PLEKHG4B: variants seen among roughly 807,000 people sequenced by gnomAD.
The protein encoded by PLEKHG4B is pleckstrin homology domain-containing family G member 4B.
In PLEKHG4B, 111 loss-of-function variants were observed where a neutral mutation model predicts 121.3. That is an observed-to-expected ratio of 0.92 (90% CI 0.78 to 1.07). The LOEUF (loss-of-function observed/expected upper bound fraction) is 1.07. Ranked by LOEUF, PLEKHG4B falls within the 50% of genes least tolerant of loss-of-function variation. PLEKHG4B has a pLI of 0.00. For synonymous variants in PLEKHG4B, 738 were observed against 725.0 expected (o/e 1.02, Z -0.29); for missense variants, 1,831 against 1,757.8 (o/e 1.04, Z -0.74).
At chr5:177,087 A>G (rs923102913) in intron 18 of PLEKHG4B, among the ~76,000 whole-genome samples, 1 of 152,012 alleles carries the variant, frequency 6.6e-6, no homozygotes, top group African/African-American at 2.4e-5. Flanking sequence ...GGTTTAATTG[A>G]TTATCTACAC....
chr5:153,179 A>G (rs1453902825), intron 7 of PLEKHG4B, among the ~76,000 whole-genome samples: 1 of 152,204 alleles, frequency 6.6e-6, no homozygotes, highest in Non-Finnish European at 1.5e-5. Context: ...CTCTCCTTTC[A>G]TAAATTGCAA....
chr5:117,499 T>G (rs62344112), intron 2 of PLEKHG4B, among the ~76,000 whole-genome samples: 19 of 152,300 alleles, frequency 1.2e-4, no homozygotes, highest in Non-Finnish European at 2.1e-4. Flanking sequence ...TCACTTTGTT[T>G]CATCACAATT....
rs1736009816 is a variant in PLEKHG4B at position 161,763 on chromosome 5, G to C, written c.2488-20G>C. 6.2e-7 allele frequency: 1 copy of C among 1,613,228 alleles called. No homozygotes were observed. Among genetic ancestry groups the C allele is most frequent in the African/African-American group, 1.3e-5 (1 of 74,922 alleles). On this transcript the variant is annotated intron_variant, in intron 11 of 19. Coordinates refer to ENST00000637938, the MANE Select transcript of PLEKHG4B (RefSeq NM_052909.5). Reference sequence around the variant, plus strand: ...GTGGAAGCACCGGGCTTGTACTGATGCTTTGTTCCTTGGGTACAGCAATCC... The same window carrying C: ...GTGGAAGCACCGGGCTTGTACTGATCCTTTGTTCCTTGGGTACAGCAATCC...
rs1159890048 is a variant in PLEKHG4B at position 163,002 on chromosome 5, A to T, written c.2930A>T (p.His977Leu). ...LPPLAQSPPKHERAQEAMRRH... is the reference protein window; with the variant it reads ...LPPLAQSPPKLERAQEAMRRH... ...CCCCTTGCCCAGAGCCCCCCAAAGC[A>T]TGAGCGTGCCCAGGAGGCCATGAGG... Residue 977 changes from histidine to leucine, a missense_variant, in exon 13 of 20, where the codon CAT becomes CTT. By Grantham distance (99) the His-to-Leu change is moderately conservative. Transcript: ENST00000637938. 1 of 1,566,242 alleles carries T rather than the reference A, an allele frequency of 6.4e-7. No homozygotes were observed. The highest frequency in any genetic ancestry group is 8.7e-7 in the Non-Finnish European group (1 of 1,155,530).
intron 3 of PLEKHG4B, among the ~76,000 whole-genome samples, chr5:141,711 A>AT (rs34273619): frequency 0.072 from 9,199 of 127,508 alleles, 376 homozygotes; most frequent in Non-Finnish European, 0.084. Flanking sequence ...TAAATATTTC[A>AT]TTTTTTTTTT....
intron 2 of PLEKHG4B, among the ~76,000 whole-genome samples, chr5:135,792 G>T (rs1232063572): frequency 2.1e-5 from 3 of 139,868 alleles, no homozygotes; most frequent in Admixed American, 7.4e-5. Context: ...TCTCAATGGT[G>T]TTTTTTGCAG....
At position 181,662 on chromosome 5, in the gene PLEKHG4B, C is replaced by T. The variant is rs1217816676; in HGVS notation, c.4551C>T (p.Ile1517=). ...TGAGCGACCGAGTCCCCGACAGCAT[C>T]GTCAAGGGCACAGGTACGGTGGCTC... is the stretch of plus-strand genomic sequence containing the variant. The part of the protein sequence containing the change: ...AVMSDRVPDS[I]VKGTESQMRG... Residue 1517 remains isoleucine, a synonymous_variant, in exon 19 of 20, where the codon ATC becomes ATT. Coordinates refer to ENST00000637938, the MANE Select transcript of PLEKHG4B (RefSeq NM_052909.5). 8.1e-6 allele frequency: 13 copies of T among 1,613,286 alleles called. No individual in the cohort carries two copies. Among genetic ancestry groups the T allele is most frequent in the East Asian group, 2.2e-5 (1 of 44,896 alleles).
chr5:131,976 T>C (rs1734793332), intron 2 of PLEKHG4B, among the ~76,000 whole-genome samples: 1 of 152,014 alleles, frequency 6.6e-6, no homozygotes, highest in African/African-American at 2.4e-5. Flanking sequence ...CACTCTTTCA[T>C]GATAAAAACA....
chr5:181,398 G>T, intron 18 of PLEKHG4B, 116 bp from the exon 19 acceptor site: 1 of 1,123,488 alleles, frequency 8.9e-7, no homozygotes, highest in Non-Finnish European at 1.3e-6. Context: ...GGCAGGGTGG[G>T]TATACCCTGT....
Position 162,964 on chromosome 5 carries a change from C to T in PLEKHG4B, c.2892C>T (p.Asp964=), listed in dbSNP as rs1313985155. The T allele has an allele frequency of 1.3e-6, 2 of 1,562,624 alleles. No homozygotes were observed. Among genetic ancestry groups the T allele is most frequent in the African/African-American group, 1.4e-5 (1 of 73,640 alleles). The part of the protein sequence containing the change: ...LEEALSEAAP[D]PSLPPLAQSP... Reference sequence around the variant, plus strand: ...AGGCCCTTTCTGAGGCTGCCCCAGACCCCAGCTTACCGCCCCTTGCCCAGA... The same window carrying T: ...AGGCCCTTTCTGAGGCTGCCCCAGATCCCAGCTTACCGCCCCTTGCCCAGA... Residue 964 remains aspartate, a synonymous_variant, in exon 13 of 20, where the codon GAC becomes GAT. Coordinates refer to ENST00000637938, the MANE Select transcript of PLEKHG4B (RefSeq NM_052909.5).
chr5:180,783 T>C (rs541413589), intron 18 of PLEKHG4B, among the ~76,000 whole-genome samples: 1 of 152,278 alleles, frequency 6.6e-6, no homozygotes, highest in East Asian at 1.9e-4. Flanking sequence ...AAGCCCTGTG[T>C]CCCGGGCAGC....
rs751683793 is a variant in PLEKHG4B at position 174,006 on chromosome 5, C to T, written c.4310C>T (p.Thr1437Ile). 2 of 1,610,490 alleles carry T rather than the reference C, an allele frequency of 1.2e-6. No homozygotes were observed. Among genetic ancestry groups the T allele is most frequent in the Non-Finnish European group, 1.7e-6 (2 of 1,178,842 alleles). The change falls in exon 18 of 20, where the codon ACC (threonine) becomes ATC (isoleucine). Residue 1437 changes from threonine to isoleucine, a missense_variant. By Grantham distance (89) the Thr-to-Ile change is moderately conservative. Coordinates refer to ENST00000637938, the MANE Select transcript of PLEKHG4B (RefSeq NM_052909.5). ...CGCAGGCGGCGGAAATCTCAGGACA[C>T]CTACATTCTCCAAGCAAGCTCGGCA... ...WFRRRRKSQD[T>I]YILQASSAEV...
At chr5:102,776 T>C (rs1733861146) in intron 1 of PLEKHG4B, among the ~76,000 whole-genome samples, 1 of 152,206 alleles carries the variant, frequency 6.6e-6, no homozygotes, top group South Asian at 2.1e-4. Flanking sequence ...GCACCAACAC[T>C]AACACTAGCA....
chr5:121,471 G>C (rs1459498581), intron 2 of PLEKHG4B, among the ~76,000 whole-genome samples: 1 of 152,124 alleles, frequency 6.6e-6, no homozygotes, highest in Non-Finnish European at 1.5e-5. Context: ...TCAAGCAGTC[G>C]AAATGTGTAT....
intron 13 of PLEKHG4B, among the ~76,000 whole-genome samples, chr5:164,885 GC>G (rs1560945687): frequency 1.2e-5 from 1 of 81,240 alleles, no homozygotes; most frequent in Non-Finnish European, 3.1e-5. Flanking sequence ...CTCTGACGGG[GC>G]GGAGCTCACA....
At chr5:160,585 T>C (rs534516182) in intron 11 of PLEKHG4B, among the ~76,000 whole-genome samples, 7 of 152,246 alleles carry the variant, frequency 4.6e-5, no homozygotes, top group Non-Finnish European at 1.0e-4. Flanking sequence ...TTTCTAGGGT[T>C]GATCATCACT....
At chr5:109,272 C>T (rs1028641154) in intron 1 of PLEKHG4B, among the ~76,000 whole-genome samples, 5 of 151,986 alleles carry the variant, frequency 3.3e-5, no homozygotes, top group Non-Finnish European at 7.4e-5. Context: ...TGGTACACAC[C>T]TGTAGTCCCA....
At chr5:99,146 A>G (rs1365681423) in intron 1 of PLEKHG4B, among the ~76,000 whole-genome samples, 1 of 123,698 alleles carries the variant, frequency 8.1e-6, no homozygotes, top group Non-Finnish European at 1.6e-5. Context: ...ACAGTGCGAG[A>G]GTCTGTCTCA....
intron 2 of PLEKHG4B, among the ~76,000 whole-genome samples, chr5:134,089 A>G (rs1228617578): frequency 2.0e-5 from 2 of 101,698 alleles, no homozygotes; most frequent in Non-Finnish European, 3.7e-5. Flanking sequence ...ATATATATAT[A>G]TATATATATA....
Sources: gnomAD v4.1 joint callset for allele counts (sites outside exome capture counted in the v4.1 genomes callset) on GRCh38, gnomAD v4.1.1 for gene constraint, MANE v1.5 for transcripts, NCBI Gene and HGNC (gene_info 2026-07-23, HGNC 2026-07-21) for gene names.